The following PCDHGA3 variants were observed in gnomAD, a reference collection of about 807,000 sequenced individuals.
PCDHGA3 encodes protocadherin gamma-A3.
PCDHGA3 carries 40 observed loss-of-function variants against 58.5 expected under a neutral mutation model. The observed-to-expected ratio is 0.68, with a 90% CI of 0.53 to 0.89. PCDHGA3 has a LOEUF of 0.89. Ranked by LOEUF, PCDHGA3 falls within the 40% of genes least tolerant of loss-of-function variation. The pLI is 0.00. For synonymous variants in PCDHGA3, 530 were observed against 525.7 expected, an observed-to-expected ratio of 1.01 and a Z score of -0.11; for missense variants, 1,223 against 1,195.9, an observed-to-expected ratio of 1.02 and a Z score of -0.33.
chr5:141,403,952 C>T, intron 1 of PCDHGA3: 1 of 1,613,684 alleles, frequency 6.2e-7, no homozygotes, highest in Non-Finnish European at 8.5e-7. Flanking sequence ...GACAAAAGTG[C>T]TCATTTCGGT....
At chr5:141,351,190 A>T in intron 1 of PCDHGA3, 1 of 1,614,060 alleles carries the variant, frequency 6.2e-7, no homozygotes, top group South Asian at 1.1e-5. Context: ...AGACAAGTAG[A>T]TATGTGTTGA....
rs543038539 is a variant in PCDHGA3 at position 141,415,850 on chromosome 5, C to A, written c.2424+69393C>A. 7.3e-6 allele frequency: 9 copies of A among 1,230,004 alleles called. No homozygotes were observed. In the East Asian group the frequency reaches 2.6e-4, roughly 35 times the overall value. The allele number at this position is 1,230,004 out of a possible 1,614,324, so 76.2% of individuals were successfully genotyped here. ...TTTGTTATGATTAGCTTTGCAGAAC[C>A]TTGTAGTTTATAGTGTTGTTGAGTA... On this transcript the variant is annotated intron_variant, in intron 1 of 3. Coordinates refer to ENST00000253812, the MANE Select transcript of PCDHGA3 (RefSeq NM_018916.4).
At chr5:141,369,589 A>C (rs1339057936) in intron 1 of PCDHGA3, among the ~76,000 whole-genome samples, 4 of 152,238 alleles carry the variant, frequency 2.6e-5, no homozygotes, top group Non-Finnish European at 5.9e-5. Flanking sequence ...GCTTTTTACT[A>C]TACTTCTATT....
Position 141,399,437 on chromosome 5 carries a change from A to T in PCDHGA3, c.2424+52980A>T, listed in dbSNP as rs780100815. The stretch of plus-strand genomic sequence containing the variant: ...TCCTCCAGCATAAGCGTCATCCTAC[A>T]TATCAGAGACGTCAACGATAACGCT... On this transcript the variant is annotated intron_variant, in intron 1 of 3. Coordinates refer to ENST00000253812, the MANE Select transcript of PCDHGA3 (RefSeq NM_018916.4). 22 of 1,613,998 alleles carry T rather than the reference A, an allele frequency of 1.4e-5. No individual in the cohort carries two copies. The South Asian group carries it at 2.2e-4, about 16-fold the overall frequency.
At chr5:141,500,452 G>C (rs554196222) in intron 2 of PCDHGA3, among the ~76,000 whole-genome samples, 1 of 151,506 alleles carries the variant, frequency 6.6e-6, no homozygotes, top group South Asian at 2.1e-4. Context: ...CTCGTGATCC[G>C]CCCGCCTCGG....
intron 1 of PCDHGA3, chr5:141,398,027 T>G: frequency 6.9e-7 from 1 of 1,449,556 alleles, no homozygotes; most frequent in Non-Finnish European, 9.2e-7. Context: ...AAACTGGAAC[T>G]GGAACTAAAG....
Position 141,344,282 on chromosome 5 carries a change from C to T in PCDHGA3, c.249C>T (p.Ser83=), listed in dbSNP as rs772327249. 1.2e-6 allele frequency: 2 copies of T among 1,614,102 alleles called. No individual in the cohort carries two copies. Among genetic ancestry groups the T allele is most frequent in the South Asian group, 1.1e-5 (1 of 91,086 alleles). The change falls in exon 1 of 4, where the codon AGC becomes AGT. Residue 83 remains serine (S), a synonymous_variant. Coordinates refer to ENST00000253812, the MANE Select transcript of PCDHGA3 (RefSeq NM_018916.4). ...QLFSLNPQSG[S]LVTAERIDRE... ...TCTCTCTGAATCCGCAAAGCGGCAGCTTGGTCACCGCGGAGAGGATAGACC... is the reference window on the plus strand; with the variant it reads ...TCTCTCTGAATCCGCAAAGCGGCAGTTTGGTCACCGCGGAGAGGATAGACC...
chr5:141,358,922 G>T (rs531004724), intron 1 of PCDHGA3, among the ~76,000 whole-genome samples: 2 of 152,248 alleles, frequency 1.3e-5, no homozygotes, highest in South Asian at 4.1e-4. Flanking sequence ...TGTGTGTAGG[G>T]GATATACAAC....
chr5:141,364,176 C>G, intron 1 of PCDHGA3: 1 of 835,076 alleles, frequency 1.2e-6, no homozygotes, highest in Non-Finnish European at 1.7e-6. Flanking sequence ...CGACTCTGCT[C>G]CCTCCATACT....
At chr5:141,467,768 C>T (rs2099151160) in intron 1 of PCDHGA3, among the ~76,000 whole-genome samples, 2 of 151,794 alleles carry the variant, frequency 1.3e-5, no homozygotes, top group African/African-American at 2.4e-5. Flanking sequence ...CTCAAGTGCC[C>T]GCACCTCAGC....
At position 141,352,032 on chromosome 5, in the gene PCDHGA3, A is replaced by G. The variant is rs558236918; in HGVS notation, c.2424+5575A>G. On this transcript the variant is annotated intron_variant, in intron 1 of 3. Coordinates refer to ENST00000253812, the MANE Select transcript of PCDHGA3 (RefSeq NM_018916.4). ...CTGGTGACCAAGGTGGTGGCGGTGG[A>G]CGCAGACTCAGGACACAACGCTTGG... is the stretch of plus-strand genomic sequence containing the variant. 7.5e-5 allele frequency: 120 copies of G among 1,608,932 alleles called. No individual in the cohort carries two copies. The East Asian group carries it at 2.6e-3, about 35-fold the overall frequency.
chr5:141,406,253 C>CA (rs2094783585), intron 1 of PCDHGA3, among the ~76,000 whole-genome samples: 1 of 151,976 alleles, frequency 6.6e-6, no homozygotes, highest in Admixed American at 6.6e-5. Flanking sequence ...AGACTGGTCT[C>CA]AAACGATCTT....
At chr5:141,413,606 T>C (rs756987695) in intron 1 of PCDHGA3, 1 of 1,613,848 alleles carries the variant, frequency 6.2e-7, no homozygotes, top group Admixed American at 1.7e-5. Context: ...AATCTAGACG[T>C]AAAAATTAAT....
At chr5:141,481,035 G>C (rs1342607604) in intron 1 of PCDHGA3, among the ~76,000 whole-genome samples, 1 of 152,094 alleles carries the variant, frequency 6.6e-6, no homozygotes, top group Non-Finnish European at 1.5e-5. Flanking sequence ...TCCAGCCTGG[G>C]CGACAGAGCG....
intron 1 of PCDHGA3, among the ~76,000 whole-genome samples, chr5:141,492,996 AG>A: frequency 6.6e-6 from 1 of 152,348 alleles, no homozygotes; most frequent in Admixed American, 6.5e-5. Flanking sequence ...GCAGATGGAA[AG>A]CTATAGGCTC....
intron 1 of PCDHGA3, among the ~76,000 whole-genome samples, chr5:141,353,822 G>C (rs1319951796): frequency 1.3e-5 from 2 of 152,124 alleles, no homozygotes; most frequent in South Asian, 4.1e-4. Flanking sequence ...ATCATCCGCA[G>C]TTTGTGCGGT....
At chr5:141,452,635 T>C (rs1426970634) in intron 1 of PCDHGA3, among the ~76,000 whole-genome samples, 1 of 152,086 alleles carries the variant, frequency 6.6e-6, no homozygotes, top group Non-Finnish European at 1.5e-5. Context: ...GCTATGAATA[T>C]ATTTACTCAT....
At chr5:141,410,762 T>C in intron 1 of PCDHGA3, 1 of 1,171,656 alleles carries the variant, frequency 8.5e-7, no homozygotes, top group Non-Finnish European at 1.2e-6. Flanking sequence ...GTTTTTTCAA[T>C]TATAGTTTTC....
chr5:141,393,103 C>A lies in PCDHGA3; in HGVS notation c.2424+46646C>A, dbSNP rs776552182. On this transcript the variant is annotated intron_variant, in intron 1 of 3. Coordinates refer to ENST00000253812, the MANE Select transcript of PCDHGA3 (RefSeq NM_018916.4). ...AGGATAGATCGGGAGGAGCTCTGCGCTCAGAGCCCGCGGTGTCTGATAAAT... is the reference window on the plus strand; with the variant it reads ...AGGATAGATCGGGAGGAGCTCTGCGATCAGAGCCCGCGGTGTCTGATAAAT... The A allele has an allele frequency of 3.2e-5, 51 of 1,613,464 alleles. No homozygotes were observed. Among genetic ancestry groups the A allele is most frequent in the South Asian group, 1.5e-4 (14 of 91,088 alleles).
Sources: gnomAD v4.1 joint callset for allele counts (sites outside exome capture counted in the v4.1 genomes callset) on GRCh38, gnomAD v4.1.1 for gene constraint, MANE v1.5 for transcripts, NCBI Gene and HGNC (gene_info 2026-07-23, HGNC 2026-07-21) for gene names.